The following RIMS2 variants were observed in gnomAD, a reference collection of about 807,000 sequenced individuals.
The protein encoded by RIMS2 is regulating synaptic membrane exocytosis 2.
In RIMS2, 59 loss-of-function variants were observed where a neutral mutation model predicts 174.4. The observed-to-expected ratio is 0.34, with a 90% CI of 0.27 to 0.42. The LOEUF (loss-of-function observed/expected upper bound fraction) is 0.42. Among genes scored for constraint, RIMS2 ranks in the 10% least tolerant of loss-of-function variants. RIMS2 has a pLI of 1.00. For missense variants in RIMS2, 1,620 were observed against 1,666.3 expected (o/e 0.97, Z 0.48); for synonymous variants, 606 against 572.5 (o/e 1.06, Z -0.84).
At chr8:103,909,640 C>T (rs12114518) in intron 4 of RIMS2, among the ~76,000 whole-genome samples, 2 of 152,012 alleles carry the variant, frequency 1.3e-5, no homozygotes, top group Admixed American at 1.3e-4. Flanking sequence ...GAATATCATA[C>T]TGCATTTCAG....
intron 4 of RIMS2, among the ~76,000 whole-genome samples, chr8:103,891,344 A>G (rs1200205692): frequency 2.0e-5 from 3 of 152,086 alleles, no homozygotes; most frequent in Non-Finnish European, 4.4e-5. Flanking sequence ...GACTTACTTG[A>G]TGCTCGTGTT....
chr8:103,602,139 C>T (rs961784502), intron 1 of RIMS2, among the ~76,000 whole-genome samples: 10 of 152,068 alleles, frequency 6.6e-5, no homozygotes, highest in African/African-American at 2.2e-4. Flanking sequence ...GTGCATGCCA[C>T]CATGCCTGGC....
intron 2 of RIMS2, among the ~76,000 whole-genome samples, chr8:103,728,699 C>T (rs568814544): frequency 1.4e-5 from 2 of 145,986 alleles, no homozygotes; most frequent in South Asian, 4.3e-4. Flanking sequence ...GTGTTATACT[C>T]AATGTAGGCC....
At chr8:103,660,685 A>G (rs1352897905) in intron 1 of RIMS2, among the ~76,000 whole-genome samples, 3 of 152,248 alleles carry the variant, frequency 2.0e-5, no homozygotes, top group Non-Finnish European at 4.4e-5. Context: ...TTCCAGGTCT[A>G]ACATAGATAA....
At chr8:104,191,393 A>G (rs573052850) in intron 19 of RIMS2, among the ~76,000 whole-genome samples, 2 of 152,010 alleles carry the variant, frequency 1.3e-5, no homozygotes, top group Non-Finnish European at 1.5e-5. Flanking sequence ...CACTAGTTTC[A>G]TATATATATG....
At chr8:104,138,330 T>C (rs534207300) in intron 19 of RIMS2, among the ~76,000 whole-genome samples, 2 of 152,304 alleles carry the variant, frequency 1.3e-5, no homozygotes, top group South Asian at 4.1e-4. Context: ...GTTCTGTTTT[T>C]AGTTTCTTGA....
chr8:103,635,725 G>A (rs548017362), intron 1 of RIMS2, among the ~76,000 whole-genome samples: 1 of 151,850 alleles, frequency 6.6e-6, no homozygotes, highest in African/African-American at 2.4e-5. Context: ...AAAGAAGTTT[G>A]GCCACATTTT....
In RIMS2 at chr8:103,531,060, T is replaced by C. The variant is rs984533401; in HGVS notation, c.176+29998T>C. 2.0e-5 allele frequency among the ~76,000 whole-genome samples: 3 copies of C among 151,082 alleles called. No homozygotes were observed. The East Asian group carries it at 5.8e-4, about 29-fold the overall frequency. On this transcript the variant is annotated intron_variant, in intron 1 of 23. Coordinates refer to ENST00000504942, the Ensembl canonical transcript of RIMS2. ...CGTTAACACATAGGCAAAACAAGATTATCAGTAGATCAAGCAGATAAAAAA... is the reference window on the plus strand; with the variant it reads ...CGTTAACACATAGGCAAAACAAGATCATCAGTAGATCAAGCAGATAAAAAA...
Position 103,697,069 on chromosome 8 carries a change from A to T in RIMS2, c.177-17A>T, listed in dbSNP as rs772508541. ...CATCAGGAAACCAACTTTTTTTCTT[A>T]TCTATTTTCTCTGCAGAAAACTGCA... is the stretch of plus-strand genomic sequence containing the variant. On this transcript the variant is annotated splice_polypyrimidine_tract_variant and intron_variant, in intron 1 of 23. Coordinates refer to ENST00000504942, the Ensembl canonical transcript of RIMS2. 1 of 1,584,556 alleles carries T rather than the reference A, an allele frequency of 6.3e-7. No homozygotes were observed.
At chr8:104,103,240 G>A (rs2097944404) in intron 19 of RIMS2, among the ~76,000 whole-genome samples, 2 of 152,100 alleles carry the variant, frequency 1.3e-5, no homozygotes, top group African/African-American at 4.8e-5. Context: ...AAAGGAGACT[G>A]GAGAATGACT....
chr8:103,878,774 A>G (rs533128583), intron 3 of RIMS2, among the ~76,000 whole-genome samples: 17 of 151,464 alleles, frequency 1.1e-4, no homozygotes, highest in African/African-American at 3.6e-4. Flanking sequence ...TGAGGGGATC[A>G]TCAATTGTGC....
At chr8:103,846,895 C>G (rs1169254950) in intron 3 of RIMS2, among the ~76,000 whole-genome samples, 1 of 152,098 alleles carries the variant, frequency 6.6e-6, no homozygotes, top group Admixed American at 6.6e-5. Flanking sequence ...TCATCATGTA[C>G]TTATGGTTTC....
At chr8:103,820,229 A>G (rs1442649777) in intron 3 of RIMS2, among the ~76,000 whole-genome samples, 2 of 152,158 alleles carry the variant, frequency 1.3e-5, no homozygotes, top group Admixed American at 1.3e-4. Context: ...TAAATTATGA[A>G]CATATCTCTC....
chr8:103,919,176 A>G (rs977242417), intron 9 of RIMS2, among the ~76,000 whole-genome samples: 1 of 152,184 alleles, frequency 6.6e-6, no homozygotes, highest in Admixed American at 6.5e-5. Context: ...AAAGGATTGC[A>G]GTTTGAAATA....
At chr8:104,085,089 T>C (rs117112603) in intron 19 of RIMS2, among the ~76,000 whole-genome samples, 5,729 of 152,324 alleles carry the variant, frequency 0.038, 136 homozygotes, top group Non-Finnish European at 0.053. Flanking sequence ...TTCAGAAAAG[T>C]GTATCAGTCA....
intron 19 of RIMS2, among the ~76,000 whole-genome samples, chr8:104,244,250 A>T (rs2099318534): frequency 6.6e-6 from 1 of 152,196 alleles, no homozygotes; most frequent in East Asian, 1.9e-4. Context: ...CCCGTGAACA[A>T]AAATTAAAAA....
At chr8:104,219,999 A>T (rs111796390) in intron 19 of RIMS2, among the ~76,000 whole-genome samples, 4 of 152,326 alleles carry the variant, frequency 2.6e-5, no homozygotes, top group African/African-American at 7.2e-5. Context: ...AATATTATTT[A>T]GATAATGTTA....
chr8:104,128,243 G>A (rs2098447309), intron 19 of RIMS2, among the ~76,000 whole-genome samples: 1 of 152,318 alleles, frequency 6.6e-6, no homozygotes, highest in Admixed American at 6.5e-5. Context: ...GCAAGAATGA[G>A]TATGTCCAGT....
intron 1 of RIMS2, among the ~76,000 whole-genome samples, chr8:103,646,145 A>G (rs1041389334): frequency 3.9e-5 from 6 of 152,050 alleles, no homozygotes; most frequent in Non-Finnish European, 8.8e-5. Flanking sequence ...AGGCAGGAAC[A>G]GGACATTTTC....
Sources: allele counts gnomAD v4.1 joint callset (sites outside exome capture counted in the v4.1 genomes callset), GRCh38; gene constraint gnomAD v4.1.1; transcripts MANE v1.5; gene names NCBI Gene and HGNC (gene_info 2026-07-23, HGNC 2026-07-21).